CNOT7: variants seen among roughly 807,000 people sequenced by gnomAD.
The protein encoded by CNOT7 is CCR4-NOT transcription complex subunit 7.
In CNOT7, 4 loss-of-function variants were observed where a neutral mutation model predicts 37.1. That is an observed-to-expected ratio of 0.11 (90% CI 0.05 to 0.25). The LOEUF (loss-of-function observed/expected upper bound fraction) is 0.25, where lower values mean the gene tolerates loss of function less well. Ranked by LOEUF, CNOT7 falls within the 10% of genes least tolerant of loss-of-function variation. CNOT7 has a pLI of 1.00. For synonymous variants in CNOT7, 128 were observed against 115.6 expected (o/e 1.11, Z -0.69); for missense variants, 170 against 336.2 (o/e 0.51, Z 3.87).
chr8:17,239,759 C>T (rs567632043), intron 3 of CNOT7, among the ~76,000 whole-genome samples: 1 of 152,354 alleles, frequency 6.6e-6, no homozygotes, highest in African/African-American at 2.4e-5. Flanking sequence ...TCCCAAAGTG[C>T]TGGGATTACA....
At chr8:17,233,242 CCAA>C (rs1449483430) in intron 5 of CNOT7, among the ~76,000 whole-genome samples, 7 of 152,274 alleles carry the variant, frequency 4.6e-5, no homozygotes, top group South Asian at 2.1e-4. Flanking sequence ...GAAAGAAACA[CCAA>C]CAACAAAACA....
Position 17,237,334 on chromosome 8 carries a change from T to A in CNOT7, c.351A>T (p.Thr117=), listed in dbSNP as rs1228636873. Residue 117 remains threonine, a synonymous_variant, in exon 4 of 7, where the codon ACA becomes ACT. Coordinates refer to ENST00000361272, the MANE Select transcript of CNOT7 (RefSeq NM_013354.7). The part of the protein sequence containing the change: ...MYAQDSIELL[T]TSGIQFKKHE... ...GTTTTTTAAACTGGATACCAGATGT[T>A]GTTAGTAGCTCTATAGAGTCCTGGG... The A allele has an allele frequency of 1.9e-6, 3 of 1,613,970 alleles. No homozygotes were observed. The African/African-American group carries it at 4.0e-5, about 22-fold the overall frequency.
At chr8:17,234,957 T>C (rs2150979543) in intron 4 of CNOT7, 97 bp from the exon 5 acceptor site, 1 of 1,000,396 alleles carries the variant, frequency 1.0e-6, no homozygotes. Flanking sequence ...CAAGTCACAC[T>C]AGAGCCCTCC....
At position 17,227,700 on chromosome 8, in the gene CNOT7, G is replaced by A. The variant is rs1440251538; in HGVS notation, c.*3020C>T. ...ACCAGTTGGGAATATTGTGATGTTA[G>A]TCTGATACTGTCAGTCTATTCTTTT... On this transcript the variant is annotated 3_prime_UTR_variant, in exon 7 of 7. Transcript: ENST00000361272. The A allele has an allele frequency of 6.6e-6, 1 of 151,834 alleles. No homozygotes were observed. The highest frequency in any genetic ancestry group is 2.4e-5 in the African/African-American group (1 of 41,420). The allele number at this position is 151,834 out of a possible 1,614,324, so 9.4% of individuals were successfully genotyped here.
At chr8:17,243,496 T>C (rs1289337155) in intron 2 of CNOT7, 2 of 510,294 alleles carry the variant, frequency 3.9e-6, no homozygotes, top group African/African-American at 1.9e-5. Context: ...AAAGGATACA[T>C]GAAATGATGC....
chr8:17,245,828 C>A (rs1810917127), intron 1 of CNOT7: 1 of 152,078 alleles, frequency 6.6e-6, no homozygotes, highest in East Asian at 1.9e-4. Flanking sequence ...AATAGAACGT[C>A]TAAAACTTAG....
chr8:17,237,896 C>G (rs1228303992), intron 3 of CNOT7, among the ~76,000 whole-genome samples: 3 of 152,242 alleles, frequency 2.0e-5, no homozygotes, highest in African/African-American at 4.8e-5. Flanking sequence ...GGAGATGCCT[C>G]CTTTCACAAA....
At chr8:17,243,893 C>G (rs1810528093) in intron 2 of CNOT7, among the ~76,000 whole-genome samples, 1 of 152,128 alleles carries the variant, frequency 6.6e-6, no homozygotes, top group Non-Finnish European at 1.5e-5. Context: ...ATATTTTAAC[C>G]AATCAACTTG....
chr8:17,237,100 C>G, intron 4 of CNOT7, 112 bp downstream of exon 4: 2 of 990,620 alleles, frequency 2.0e-6, no homozygotes, highest in Non-Finnish European at 3.1e-6. Context: ...CTCTATATGG[C>G]AGTCAACTCT....
At chr8:17,243,667 A>G (rs1319265184) in intron 2 of CNOT7, 2 of 456,358 alleles carry the variant, frequency 4.4e-6, no homozygotes, top group Admixed American at 2.3e-5. Flanking sequence ...GGCTTAAACA[A>G]TATTCTCTCT....
intron 3 of CNOT7, among the ~76,000 whole-genome samples, chr8:17,240,711 C>T (rs963883651): frequency 6.6e-6 from 1 of 152,128 alleles, no homozygotes; most frequent in Admixed American, 6.6e-5. Context: ...AAAAAGTTAA[C>T]ATGGAACAAA....
intron 6 of CNOT7, chr8:17,231,380 A>AT: frequency 3.7e-6 from 1 of 268,932 alleles, no homozygotes; most frequent in Non-Finnish European, 5.7e-6. Context: ...CCATTAAGAC[A>AT]TTTTTAAAAT....
chr8:17,227,805 A>C lies in CNOT7; in HGVS notation c.*2915T>G, dbSNP rs1484172008. On this transcript the variant is annotated 3_prime_UTR_variant, in exon 7 of 7. Transcript: ENST00000361272. ...AGTCCATATTCCAATGTGCCTTGAAAGTGTAACATTCAAAGGTACTTTTCT... is the reference window on the plus strand; with the variant it reads ...AGTCCATATTCCAATGTGCCTTGAACGTGTAACATTCAAAGGTACTTTTCT... The C allele has an allele frequency of 6.6e-6, 1 of 151,892 alleles. No homozygotes were observed. The highest frequency in any genetic ancestry group is 1.9e-4 in the East Asian group (1 of 5,178). The allele number at this position is 151,892 out of a possible 1,614,324, so 9.4% of individuals were successfully genotyped here. A position where few individuals can be genotyped will look rare whatever the true frequency, so the allele number is the denominator to read the frequency against.
chr8:17,235,189 G>C (rs139697856), intron 4 of CNOT7, among the ~76,000 whole-genome samples: 1 of 152,240 alleles, frequency 6.6e-6, no homozygotes, highest in East Asian at 1.9e-4. Context: ...GCCCACAGAT[G>C]TCTCAAAATA....
At chr8:17,239,980 A>G (rs1252687977) in intron 3 of CNOT7, among the ~76,000 whole-genome samples, 1 of 152,208 alleles carries the variant, frequency 6.6e-6, no homozygotes, top group Admixed American at 6.5e-5. Flanking sequence ...TAGGCAATAG[A>G]GAGAAAACAG....
intron 1 of CNOT7, among the ~76,000 whole-genome samples, 198 bp from the exon 2 acceptor site, chr8:17,245,445 C>T (rs1718077672): frequency 1.3e-5 from 2 of 152,032 alleles, no homozygotes; most frequent in South Asian, 4.2e-4. Context: ...ATTTCCTGGT[C>T]CTAATTTCAG....
chr8:17,244,589 G>A (rs1344014165), intron 2 of CNOT7: 1 of 153,240 alleles, frequency 6.5e-6, no homozygotes, highest in African/African-American at 2.4e-5. Context: ...AAATGACCAA[G>A]TATCTCCATC....
In CNOT7 at chr8:17,232,206, T is replaced by C. The variant is rs187814223; in HGVS notation, c.729+221A>G. ...TTCTCAGGTAGTTTATGTTTTAAAA[T>C]TGTTGGTTCTATGATGAACATGTTC... On this transcript the variant is annotated intron_variant, in intron 6 of 6. Coordinates refer to ENST00000361272, the MANE Select transcript of CNOT7 (RefSeq NM_013354.7). 6.1e-5 allele frequency: 83 copies of C among 1,359,226 alleles called. 1 individual carries two copies. The African/African-American group carries it at 1.1e-3, about 17-fold the overall frequency. 84.2% of individuals were successfully genotyped at this position (1,359,226 alleles called of 1,614,324 possible).
In CNOT7 at chr8:17,238,088, C is replaced by T. The variant is rs139021572; in HGVS notation, c.312-715G>A. Among the ~76,000 whole-genome samples, 436 of 152,276 alleles carry T rather than the reference C, an allele frequency of 2.9e-3. 5 individuals carry two copies. The highest frequency in any genetic ancestry group is 1.0e-2 in the African/African-American group (414 of 41,556). ...AGCCAAAAAGAAAGCCATCTCCAACCTCAAATATATTTCCAACCACAAATA... is the reference window on the plus strand; with the variant it reads ...AGCCAAAAAGAAAGCCATCTCCAACTTCAAATATATTTCCAACCACAAATA... On this transcript the variant is annotated intron_variant, in intron 3 of 6. Transcript: ENST00000361272.
Sources: gnomAD v4.1 joint callset for allele counts (sites outside exome capture counted in the v4.1 genomes callset) on GRCh38, gnomAD v4.1.1 for gene constraint, MANE v1.5 for transcripts, NCBI Gene and HGNC (gene_info 2026-07-23, HGNC 2026-07-21) for gene names.